The following ARHGAP24 variants were observed in gnomAD, a reference collection of about 807,000 sequenced individuals.
The protein encoded by ARHGAP24 is rho GTPase-activating protein 24.
ARHGAP24 carries 50 observed loss-of-function variants against 76.4 expected under a neutral mutation model. The ratio of observed to expected loss-of-function variants is 0.65; its 90% CI spans 0.52 to 0.83. The LOEUF (loss-of-function observed/expected upper bound fraction) is 0.83, where lower values mean the gene tolerates loss of function less well. Ranked by LOEUF, ARHGAP24 falls within the 40% of genes least tolerant of loss-of-function variation. The pLI, the probability that ARHGAP24 is intolerant of heterozygous loss-of-function variation, is 0.00. For missense variants in ARHGAP24, 930 were observed against 914.2 expected (o/e 1.02, Z -0.22); for synonymous variants, 345 against 323.3 (o/e 1.07, Z -0.72).
chr4:85,682,132 C>G (rs1014173794), intron 2 of ARHGAP24, among the ~76,000 whole-genome samples: 1 of 152,186 alleles, frequency 6.6e-6, no homozygotes, highest in Non-Finnish European at 1.5e-5. Context: ...TTTCTGGAAG[C>G]ATTGACCAAG....
chr4:85,666,103 C>T (rs1722604008), intron 2 of ARHGAP24, among the ~76,000 whole-genome samples: 1 of 152,206 alleles, frequency 6.6e-6, no homozygotes, highest in Admixed American at 6.5e-5. Flanking sequence ...TAATATCCTG[C>T]AGAGTGTTTT....
At chr4:85,622,260 A>AC (rs111485214) in intron 2 of ARHGAP24, among the ~76,000 whole-genome samples, 25,449 of 70,260 alleles carry the variant, frequency 0.36, 3,536 homozygotes, top group East Asian at 0.79. Flanking sequence ...CCCCCACCCC[A>AC]AACAGTCCCC....
intron 3 of ARHGAP24, among the ~76,000 whole-genome samples, chr4:85,803,015 G>A (rs574151223): frequency 1.3e-5 from 2 of 152,268 alleles, no homozygotes; most frequent in East Asian, 3.9e-4. Flanking sequence ...AAGTCATTTA[G>A]TATCCATGAA....
intron 3 of ARHGAP24, among the ~76,000 whole-genome samples, chr4:85,787,313 AG>A (rs1362998424): frequency 6.6e-6 from 1 of 152,194 alleles, no homozygotes; most frequent in Non-Finnish European, 1.5e-5. Flanking sequence ...ATGACCATTC[AG>A]GTGACTCATT....
intron 1 of ARHGAP24, among the ~76,000 whole-genome samples, chr4:85,558,529 A>G (rs1249743677): frequency 1.3e-5 from 2 of 152,244 alleles, no homozygotes; most frequent in East Asian, 1.9e-4. Flanking sequence ...CATAATATGA[A>G]TGATGCTATT....
At chr4:85,866,284 C>A (rs1322558068) in intron 3 of ARHGAP24, among the ~76,000 whole-genome samples, 1 of 152,098 alleles carries the variant, frequency 6.6e-6, no homozygotes, top group Non-Finnish European at 1.5e-5. Context: ...CCTAGAATAA[C>A]TTCTCATGAA....
intron 2 of ARHGAP24, among the ~76,000 whole-genome samples, chr4:85,652,555 G>T (rs191034038): frequency 6.6e-6 from 1 of 152,294 alleles, no homozygotes; most frequent in Admixed American, 6.5e-5. Context: ...CATATCTGCA[G>T]TATTTAATAA....
chr4:85,662,291 G>A (rs1722422645), intron 2 of ARHGAP24, among the ~76,000 whole-genome samples: 1 of 151,874 alleles, frequency 6.6e-6, no homozygotes, highest in Non-Finnish European at 1.5e-5. Flanking sequence ...TTTTTCATGT[G>A]TTTTTTGGCT....
rs1333998454 is a variant in ARHGAP24, at chr4:85,755,621, C to CTTTTT, written c.268+33653_268+33654insTTTTT. ...TCTTGTTCTATGGGAAGCTTCTATT[C>CTTTTT]TTTTGTTTTGTTTTGTTTTGTTTTG... On this transcript the variant is annotated intron_variant, in intron 3 of 9. Transcript: ENST00000395184. Among the ~76,000 whole-genome samples, 48 of 21,274 alleles carry CTTTTT rather than the reference C, an allele frequency of 2.3e-3. No homozygotes were observed. The Non-Finnish European group carries it at 0.029, about 13-fold the overall frequency. 14.0% of individuals were successfully genotyped at this position (21,274 alleles called of 152,430 possible).
At position 85,813,776 on chromosome 4, in the gene ARHGAP24, C is replaced by T. The variant is rs890372661; in HGVS notation, c.268+91804C>T. Among the ~76,000 whole-genome samples, 3 of 145,434 alleles carry T rather than the reference C, an allele frequency of 2.1e-5. No homozygotes were observed. The South Asian group carries it at 6.4e-4, about 31-fold the overall frequency. Reference sequence around the variant, plus strand: ...TGATTACCACACTCAAGCTAATTAGCATATCCATCAACTTAGTTATATAAA... The same window carrying T: ...TGATTACCACACTCAAGCTAATTAGTATATCCATCAACTTAGTTATATAAA... On this transcript the variant is annotated intron_variant, in intron 3 of 9. Coordinates refer to ENST00000395184, the MANE Select transcript of ARHGAP24 (RefSeq NM_001025616.3).
In ARHGAP24 at chr4:85,647,237, A is replaced by G. The variant is rs564074730; in HGVS notation, c.181-74648A>G. On this transcript the variant is annotated intron_variant, in intron 2 of 9. Coordinates refer to ENST00000395184, the MANE Select transcript of ARHGAP24 (RefSeq NM_001025616.3). ...TAGTAGTAGACATCGTCATAGTTGT[A>G]GTCATAGTTGTATTTTATGAAGGGT... Among the ~76,000 whole-genome samples the G allele has an allele frequency of 4.6e-5, 7 of 152,258 alleles. 1 individual carries two copies. In the East Asian group the frequency reaches 1.4e-3, roughly 29 times the overall value.
intron 3 of ARHGAP24, among the ~76,000 whole-genome samples, chr4:85,785,985 CTT>C (rs34673338): frequency 1.3e-5 from 2 of 149,664 alleles, no homozygotes; most frequent in Admixed American, 6.7e-5. Context: ...CCACTACTAC[CTT>C]TTTTTTTTAT....
rs1232382008 is a variant in ARHGAP24 at position 85,805,319 on chromosome 4, C to A, written c.268+83347C>A. Among the ~76,000 whole-genome samples, 3 of 152,254 alleles carry A rather than the reference C, an allele frequency of 2.0e-5. No homozygotes were observed. In the East Asian group the frequency reaches 5.8e-4, roughly 29 times the overall value. Reference sequence around the variant, plus strand: ...TAAAGGCAAAGGTGATATTTAGGTCCTCTAAGAGTCAATGTGGGTGAAAAT... The same window carrying A: ...TAAAGGCAAAGGTGATATTTAGGTCATCTAAGAGTCAATGTGGGTGAAAAT... On this transcript the variant is annotated intron_variant, in intron 3 of 9. Coordinates refer to ENST00000395184, the MANE Select transcript of ARHGAP24 (RefSeq NM_001025616.3).
intron 2 of ARHGAP24, among the ~76,000 whole-genome samples, chr4:85,640,149 T>G (rs908526565): frequency 6.6e-5 from 10 of 152,148 alleles, no homozygotes; most frequent in African/African-American, 2.4e-4. Context: ...GCTTACACTA[T>G]GAGGCCGTTA....
intron 3 of ARHGAP24, among the ~76,000 whole-genome samples, chr4:85,776,983 G>A (rs1727331855): frequency 6.6e-6 from 1 of 152,170 alleles, no homozygotes; most frequent in Non-Finnish European, 1.5e-5. Flanking sequence ...TGTCACATTT[G>A]ACATATTAAT....
chr4:85,562,516 G>A (rs1160001857), intron 1 of ARHGAP24, among the ~76,000 whole-genome samples: 1 of 143,690 alleles, frequency 7.0e-6, no homozygotes, highest in Non-Finnish European at 1.5e-5. Flanking sequence ...TCTGACACAG[G>A]GTAGAACATG....
chr4:85,505,430 T>C (rs772685965), intron 1 of ARHGAP24, among the ~76,000 whole-genome samples: 1 of 152,230 alleles, frequency 6.6e-6, no homozygotes. Flanking sequence ...CTTTTTACTC[T>C]TTTTTCTCTA....
intron 4 of ARHGAP24, among the ~76,000 whole-genome samples, chr4:85,937,688 C>T (rs1736722140): frequency 6.6e-6 from 1 of 152,096 alleles, no homozygotes; most frequent in Admixed American, 6.6e-5. Context: ...AGGAGACTGA[C>T]AGTTTTAAAG....
At chr4:85,510,869 C>CCATT (rs1724256349) in intron 1 of ARHGAP24, among the ~76,000 whole-genome samples, 1 of 137,874 alleles carries the variant, frequency 7.3e-6, no homozygotes, top group African/African-American at 2.7e-5. Flanking sequence ...ATTCTCATCG[C>CCATT]CATTACTTTC....
Sources: allele counts gnomAD v4.1 joint callset (sites outside exome capture counted in the v4.1 genomes callset), GRCh38; gene constraint gnomAD v4.1.1; transcripts MANE v1.5; gene names NCBI Gene and HGNC (gene_info 2026-07-23, HGNC 2026-07-21).